The following SLC9A2 variants were observed in gnomAD, a reference collection of about 807,000 sequenced individuals.
SLC9A2 encodes solute carrier family 9 member A2.
In SLC9A2, 42 loss-of-function variants were observed where a neutral mutation model predicts 71.7. The ratio of observed to expected loss-of-function variants is 0.59; its 90% CI spans 0.46 to 0.76. SLC9A2 has a LOEUF of 0.76. Ranked by LOEUF, SLC9A2 falls within the 30% of genes least tolerant of loss-of-function variation. The pLI is 0.00. For synonymous variants in SLC9A2, 396 were observed against 392.5 expected, an observed-to-expected ratio of 1.01 and a Z score of -0.10; for missense variants, 829 against 1,017.4, an observed-to-expected ratio of 0.81 and a Z score of 2.52.
intron 11 of SLC9A2, 42 bp downstream of exon 11, chr2:102,705,978 G>A (rs1195644242): frequency 1.1e-5 from 14 of 1,241,584 alleles, no homozygotes; most frequent in African/African-American, 1.5e-5. Flanking sequence ...AAATTTATTT[G>A]CCAATGTTTA....
At chr2:102,696,527 T>C (rs2104550495) in intron 7 of SLC9A2, among the ~76,000 whole-genome samples, 1 of 152,296 alleles carries the variant, frequency 6.6e-6, no homozygotes. Context: ...GTATAAGCCA[T>C]AGACTCAGGC....
At chr2:102,668,195 T>G (rs1166389625) in intron 3 of SLC9A2, among the ~76,000 whole-genome samples, 2 of 152,224 alleles carry the variant, frequency 1.3e-5, no homozygotes, top group African/African-American at 2.4e-5. Flanking sequence ...AAAATTACCA[T>G]GTGCACCCAT....
chr2:102,621,153 C>G (rs1232799613), intron 1 of SLC9A2, among the ~76,000 whole-genome samples: 2 of 151,928 alleles, frequency 1.3e-5, no homozygotes, highest in Non-Finnish European at 2.9e-5. Context: ...GACTCTGTCT[C>G]AAAAATTAAT....
At chr2:102,667,302 C>G (rs866779471) in intron 3 of SLC9A2, among the ~76,000 whole-genome samples, 1 of 151,870 alleles carries the variant, frequency 6.6e-6, no homozygotes, top group Non-Finnish European at 1.5e-5. Context: ...AGTGTGGGGG[C>G]GGGACTTAGT....
At chr2:102,642,366 A>G (rs1676599883) in intron 1 of SLC9A2, among the ~76,000 whole-genome samples, 1 of 152,150 alleles carries the variant, frequency 6.6e-6, no homozygotes, top group African/African-American at 2.4e-5. Context: ...TTTGCTGAGA[A>G]TTTTAATCAT....
At chr2:102,699,420 A>G (rs1677831568) in intron 7 of SLC9A2, among the ~76,000 whole-genome samples, 3 of 152,198 alleles carry the variant, frequency 2.0e-5, no homozygotes, top group Admixed American at 2.0e-4. Context: ...ACTTGTACCC[A>G]AGGAAGATGC....
At chr2:102,633,312 A>G (rs574347221) in intron 1 of SLC9A2, among the ~76,000 whole-genome samples, 30 of 152,266 alleles carry the variant, frequency 2.0e-4, no homozygotes, top group Admixed American at 7.2e-4. Context: ...CTAGTTCTTC[A>G]TCACTTGGAT....
chr2:102,708,551 A>T lies in SLC9A2; in HGVS notation c.*62A>T. 1 of 1,533,328 alleles carries T rather than the reference A, an allele frequency of 6.5e-7. No homozygotes were observed. Among genetic ancestry groups the T allele is most frequent in the South Asian group, 1.3e-5 (1 of 78,818 alleles). The allele number at this position is 1,533,328 out of a possible 1,614,324, so 95.0% of individuals were successfully genotyped here. Reference sequence around the variant, plus strand: ...GGACAGCTGTGGTTTGTCACTCTGAAACCTGATGCAACAGTGGAATCCATG... The same window carrying T: ...GGACAGCTGTGGTTTGTCACTCTGATACCTGATGCAACAGTGGAATCCATG... On this transcript the variant is annotated 3_prime_UTR_variant, in exon 12 of 12. Coordinates refer to ENST00000233969, the MANE Select transcript of SLC9A2 (RefSeq NM_003048.6).
intron 5 of SLC9A2, among the ~76,000 whole-genome samples, chr2:102,692,754 G>C (rs1004325505): frequency 2.6e-5 from 4 of 152,268 alleles, no homozygotes; most frequent in African/African-American, 9.6e-5. Flanking sequence ...TCAGGAATAT[G>C]TCACTGGAAT....
chr2:102,632,953 G>A (rs894541164), intron 1 of SLC9A2, among the ~76,000 whole-genome samples: 15 of 152,208 alleles, frequency 9.9e-5, no homozygotes, highest in African/African-American at 3.6e-4. Context: ...CCCAATTCCT[G>A]GGCCTGTTTC....
At chr2:102,637,231 A>T (rs905839769) in intron 1 of SLC9A2, among the ~76,000 whole-genome samples, 1 of 152,190 alleles carries the variant, frequency 6.6e-6, no homozygotes, top group African/African-American at 2.4e-5. Context: ...AATACTCCGC[A>T]TGTCCAAGGG....
At chr2:102,679,345 T>C (rs74543566) in intron 3 of SLC9A2, among the ~76,000 whole-genome samples, 1 of 151,650 alleles carries the variant, frequency 6.6e-6, no homozygotes, top group Admixed American at 6.6e-5. Context: ...GTTAAATTAA[T>C]TCATGTTTTA....
At chr2:102,693,040 G>GTATATACTAGTATTTTATATA (rs2104547392) in intron 5 of SLC9A2, among the ~76,000 whole-genome samples, 1 of 150,568 alleles carries the variant, frequency 6.6e-6, no homozygotes, top group African/African-American at 2.4e-5. Context: ...TTAGATACTA[G>GTATATACTAGTATTTTATATA]TATATACTAG....
intron 2 of SLC9A2, among the ~76,000 whole-genome samples, chr2:102,663,048 G>A (rs1247556816): frequency 6.6e-6 from 1 of 152,114 alleles, no homozygotes; most frequent in Non-Finnish European, 1.5e-5. Context: ...GGAGGCAAGG[G>A]GTATATATAG....
At chr2:102,670,155 C>A (rs1289044524) in intron 3 of SLC9A2, among the ~76,000 whole-genome samples, 1 of 150,222 alleles carries the variant, frequency 6.7e-6, no homozygotes, top group Non-Finnish European at 1.5e-5. Flanking sequence ...CTTAGCCTCC[C>A]GAGTAGCTGG....
chr2:102,669,355 A>G (rs1003868312), intron 3 of SLC9A2, among the ~76,000 whole-genome samples: 1 of 152,188 alleles, frequency 6.6e-6, no homozygotes, highest in Non-Finnish European at 1.5e-5. Context: ...TCAAACACTA[A>G]TAAGGTAAAT....
At chr2:102,657,205 C>CAAA (rs529437859) in intron 1 of SLC9A2, among the ~76,000 whole-genome samples, 1 of 146,330 alleles carries the variant, frequency 6.8e-6, no homozygotes, top group South Asian at 2.1e-4. Context: ...GACTCCATCT[C>CAAA]AAAAAAAAAA....
rs1386751319 is a variant in SLC9A2, at chr2:102,665,242, C to G, written c.896C>G (p.Thr299Ser). 4.3e-6 allele frequency: 7 copies of G among 1,614,132 alleles called. 1 individual carries two copies. The Admixed American group carries it at 1.2e-4, about 27-fold the overall frequency. Residue 299 changes from threonine (T) to serine (S), a missense_variant, in exon 3 of 12, where the codon ACT (threonine) becomes AGT (serine). By Grantham distance (58) the Thr-to-Ser change is moderately conservative. Coordinates refer to ENST00000233969, the MANE Select transcript of SLC9A2 (RefSeq NM_003048.6). ...TTCTTGGGCTTTATAGCGGCATTTA[C>G]TACTCGATTCACCCATAATATCCGA... The part of the protein sequence containing the change: ...GIFLGFIAAF[T>S]TRFTHNIRVI...
At chr2:102,666,002 G>A (rs1677130351) in intron 3 of SLC9A2, among the ~76,000 whole-genome samples, 1 of 151,898 alleles carries the variant, frequency 6.6e-6, no homozygotes, top group Middle Eastern at 3.2e-3. Flanking sequence ...GCCCACGTGG[G>A]AACCTATAAG....
Sources: allele counts gnomAD v4.1 joint callset (sites outside exome capture counted in the v4.1 genomes callset), GRCh38; gene constraint gnomAD v4.1.1; transcripts MANE v1.5; gene names NCBI Gene and HGNC (gene_info 2026-07-23, HGNC 2026-07-21).